PRICKLE1: variants seen among roughly 807,000 people sequenced by gnomAD.
The protein encoded by PRICKLE1 is prickle-like protein 1.
A neutral mutation model predicts 70.2 loss-of-function variants in PRICKLE1; 14 were observed. That is an observed-to-expected ratio of 0.20 (90% confidence interval 0.13 to 0.31). PRICKLE1 has a LOEUF of 0.31. Ranked by LOEUF, PRICKLE1 falls within the 10% of genes least tolerant of loss-of-function variation. The probability of loss-of-function intolerance (pLI) is 1.00; values close to 1 mark genes in which losing one functional copy is unlikely to be tolerated. For missense variants in PRICKLE1, 821 were observed against 1,026.2 expected (o/e 0.80, Z 2.73); for synonymous variants, 357 against 379.9 (o/e 0.94, Z 0.70).
chr12:42,469,867 C>T, intron 3 of PRICKLE1: 1 of 523,800 alleles, frequency 1.9e-6, no homozygotes, highest in South Asian at 2.1e-5. Flanking sequence ...TTAACCTTTC[C>T]ACAAAAGGTT....
chr12:42,587,376 T>G (rs1316975193), intron 1 of PRICKLE1, among the ~76,000 whole-genome samples: 4 of 152,186 alleles, frequency 2.6e-5, no homozygotes, highest in South Asian at 2.1e-4. Flanking sequence ...CTTTTGAGGC[T>G]TATTTATAAG....
At position 42,457,363 on chromosome 12, in the gene PRICKLE1, C is replaced by A. The variant is rs1937630029; in HGVS notation, c.*2446G>T. On this transcript the variant is annotated 3_prime_UTR_variant, in exon 8 of 8. Transcript: ENST00000345127. ...GTATCACCTGTTTACTATTTATTAT[C>A]CATCCTTTATAAGCAACATATTGCA... The A allele has an allele frequency of 6.6e-6, 1 of 152,166 alleles. No individual in the cohort carries two copies. The highest frequency in any genetic ancestry group is 6.6e-5 in the Admixed American group (1 of 15,264). The allele number at this position is 152,166 out of a possible 1,614,324, so 9.4% of individuals were successfully genotyped here.
intron 1 of PRICKLE1, among the ~76,000 whole-genome samples, chr12:42,505,100 C>G (rs1375113867): frequency 6.6e-6 from 1 of 152,158 alleles, no homozygotes; most frequent in Non-Finnish European, 1.5e-5. Context: ...GACTGTGCCA[C>G]TGCACTCCAG....
At chr12:42,524,148 C>T (rs1334360734) in intron 1 of PRICKLE1, among the ~76,000 whole-genome samples, 1 of 152,204 alleles carries the variant, frequency 6.6e-6, no homozygotes, top group Non-Finnish European at 1.5e-5. Context: ...AAGCCAGCAG[C>T]TCTACAAAGT....
At chr12:42,472,258 G>T in intron 2 of PRICKLE1, 127 bp downstream of exon 2, 1 of 1,081,522 alleles carries the variant, frequency 9.2e-7, no homozygotes, top group Non-Finnish European at 1.4e-6. Flanking sequence ...ATACAAAGAA[G>T]AATAAGGACT....
intron 1 of PRICKLE1, among the ~76,000 whole-genome samples, chr12:42,485,829 T>C (rs1481586880): frequency 6.6e-6 from 1 of 152,236 alleles, no homozygotes; most frequent in Non-Finnish European, 1.5e-5. Context: ...CGCAGTTACT[T>C]GTAAATACGT....
chr12:42,578,825 C>T (rs557357922), intron 1 of PRICKLE1, among the ~76,000 whole-genome samples: 78 of 151,948 alleles, frequency 5.1e-4, no homozygotes, highest in African/African-American at 1.7e-3. Context: ...TGCAATGGCA[C>T]GATCTTGGCT....
intron 1 of PRICKLE1, among the ~76,000 whole-genome samples, chr12:42,561,495 T>C (rs1243125248): frequency 6.6e-6 from 1 of 152,246 alleles, no homozygotes; most frequent in Non-Finnish European, 1.5e-5. Flanking sequence ...TGAATATGTG[T>C]TTTCAAATGT....
At chr12:42,568,683 TTTTAA>T (rs1170676299) in intron 1 of PRICKLE1, among the ~76,000 whole-genome samples, 1 of 152,222 alleles carries the variant, frequency 6.6e-6, no homozygotes, top group Non-Finnish European at 1.5e-5. Context: ...GAAATATATC[TTTTAA>T]TTGAATTTGT....
intron 1 of PRICKLE1, among the ~76,000 whole-genome samples, chr12:42,582,299 C>T (rs557701279): frequency 6.6e-6 from 1 of 152,340 alleles, no homozygotes; most frequent in Admixed American, 6.5e-5. Context: ...ATCACTTCAG[C>T]TCCTTTCTCA....
At chr12:42,541,565 TG>T (rs1033391213) in intron 1 of PRICKLE1, among the ~76,000 whole-genome samples, 58 of 152,232 alleles carry the variant, frequency 3.8e-4, no homozygotes, top group African/African-American at 1.3e-3. Context: ...CTCAAACTCC[TG>T]GGCTCAAATG....
chr12:42,554,686 C>G (rs1256049007), intron 1 of PRICKLE1, among the ~76,000 whole-genome samples: 1 of 152,166 alleles, frequency 6.6e-6, no homozygotes, highest in East Asian at 1.9e-4. Context: ...GGACTTTTAA[C>G]CAAACCCAAG....
intron 7 of PRICKLE1, among the ~76,000 whole-genome samples, chr12:42,462,604 C>T (rs532402689): frequency 1.3e-5 from 2 of 152,308 alleles, no homozygotes; most frequent in South Asian, 4.1e-4. Context: ...CTCAACTCCC[C>T]TTTATTGCCG....
chr12:42,470,318 A>C lies in PRICKLE1; in HGVS notation c.174T>G (p.Pro58=), dbSNP rs758734560. The change falls in exon 3 of 8, where the codon CCT becomes CCG. Residue 58 remains proline (P), a synonymous_variant. Transcript: ENST00000345127. ...YFACLPEEKV[P]YVNSPGEKHR... Reference sequence around the variant, plus strand: ...GCTTCTCTCCGGGGCTGTTAACGTAAGGAACTTTTTCCTCTGGTAAGCAAG... The same window carrying C: ...GCTTCTCTCCGGGGCTGTTAACGTACGGAACTTTTTCCTCTGGTAAGCAAG... 4.3e-6 allele frequency: 7 copies of C among 1,614,032 alleles called. No homozygotes were observed. In the African/African-American group the frequency reaches 8.0e-5, roughly 18 times the overall value.
At chr12:42,534,142 C>T (rs566379492) in intron 1 of PRICKLE1, among the ~76,000 whole-genome samples, 5 of 151,928 alleles carry the variant, frequency 3.3e-5, no homozygotes, top group African/African-American at 1.2e-4. Context: ...AGATGGTGGT[C>T]AGGGCAATAA....
chr12:42,504,499 G>A (rs571817632), intron 1 of PRICKLE1, among the ~76,000 whole-genome samples: 1 of 152,232 alleles, frequency 6.6e-6, no homozygotes, highest in Non-Finnish European at 1.5e-5. Context: ...CTTAGTAGGT[G>A]TATGAGGGAG....
In PRICKLE1 at chr12:42,587,884, C is replaced by A. The variant is rs560306343; in HGVS notation, c.-49+1581G>T. Among the ~76,000 whole-genome samples, 157 of 152,318 alleles carry A rather than the reference C, an allele frequency of 1.0e-3. 5 individuals carry two copies. The South Asian group carries it at 0.032, about 31-fold the overall frequency. ...AGAACTGTCTTGATTAAAGCAGAAT[C>A]TTTGGATTAAGTTGATGCTCAATTC... On this transcript the variant is annotated intron_variant, in intron 1 of 7. Coordinates refer to ENST00000345127, the MANE Select transcript of PRICKLE1 (RefSeq NM_153026.3).
In PRICKLE1 at chr12:42,589,648, G is replaced by A. The variant is rs1256419103; in HGVS notation, c.-232C>T. On this transcript the variant is annotated 5_prime_UTR_variant, in exon 1 of 8. Transcript: ENST00000345127. The surrounding 1 kb of genome is among the most constrained non-coding windows in gnomAD (Gnocchi z 5.0). ...GCCGACCGCGGCGCGTCTCGGGGAA[G>A]TCAGCGCAGGCTGCGCGAGGCTGGC... 6.6e-6 allele frequency: 1 copy of A among 152,250 alleles called. No homozygotes were observed. The highest frequency in any genetic ancestry group is 1.5e-5 in the Non-Finnish European group (1 of 68,072). The allele number at this position is 152,250 out of a possible 1,614,324, so 9.4% of individuals were successfully genotyped here. A position where few individuals can be genotyped will look rare whatever the true frequency, so the allele number is the denominator to read the frequency against.
At chr12:42,550,208 C>T (rs1940290217) in intron 1 of PRICKLE1, 1 of 152,310 alleles carries the variant, frequency 6.6e-6, no homozygotes, top group Non-Finnish European at 1.5e-5. Flanking sequence ...TGGCACATGC[C>T]TGTGGTCCCA....
Sources: allele counts gnomAD v4.1 joint callset (sites outside exome capture counted in the v4.1 genomes callset), GRCh38; gene constraint gnomAD v4.1.1; non-coding constraint Gnocchi (gnomAD v3.1); transcripts MANE v1.5; gene names NCBI Gene and HGNC (gene_info 2026-07-23, HGNC 2026-07-21).